The following MGST1 variants were observed in gnomAD, a reference collection of about 807,000 sequenced individuals.
The protein encoded by MGST1 is microsomal glutathione S-transferase 1.
MGST1 carries 5 observed loss-of-function variants against 8.9 expected under a neutral mutation model. The ratio of observed to expected loss-of-function variants is 0.56; its 90% confidence interval spans 0.29 to 1.19. MGST1 has a LOEUF of 1.19. MGST1 is among the 50% of genes most tolerant of loss of function. The pLI, the probability that MGST1 is intolerant of heterozygous loss-of-function variation, is 0.08. For synonymous variants in MGST1, 54 were observed against 67.8 expected (o/e 0.80, Z 1.00); for missense variants, 182 against 187.4 (o/e 0.97, Z 0.17).
intron 1 of MGST1, among the ~76,000 whole-genome samples, chr12:16,349,470 A>C (rs963538749): frequency 3.3e-5 from 5 of 152,162 alleles, no homozygotes; most frequent in African/African-American, 1.2e-4. Flanking sequence ...TGGGTAGCCC[A>C]GAGGTAAACA....
intron 4 of MGST1, among the ~76,000 whole-genome samples, chr12:16,569,137 G>A (rs144484158): frequency 6.6e-6 from 1 of 152,228 alleles, no homozygotes; most frequent in East Asian, 1.9e-4. Flanking sequence ...AGAAAAATGG[G>A]TTGACGCTTG....
chr12:16,585,175 T>C lies in MGST1; in HGVS notation n.483-4353T>C, dbSNP rs550239416. Among the ~76,000 whole-genome samples, 8 of 152,310 alleles carry C rather than the reference T, an allele frequency of 5.3e-5. No homozygotes were observed. In the South Asian group the frequency reaches 1.7e-3, roughly 32 times the overall value. ...AAGCCCCAGTTCACAACGTTATTTT[T>C]CCTTCCAGACTCCGGAACCTGGAGG... On this transcript the variant is annotated intron_variant and non_coding_transcript_variant, in intron 4 of 4. Transcript: ENST00000538857. This position sits in a 1 kb window ranked among gnomAD's most constrained non-coding sequence, Gnocchi z 4.7.
intron 1 of MGST1, among the ~76,000 whole-genome samples, chr12:16,349,892 C>T (rs1487413490): frequency 1.3e-5 from 2 of 151,952 alleles, no homozygotes; most frequent in Admixed American, 6.6e-5. Flanking sequence ...CTACAGGCAC[C>T]TGCCACCACG....
chr12:16,379,250 T>G (rs1490547711), downstream of MGST1, among the ~76,000 whole-genome samples: 1 of 152,174 alleles, frequency 6.6e-6, no homozygotes, highest in African/African-American at 2.4e-5. Context: ...ATGCTTCCAG[T>G]TTTTGTCCAT....
intron 1 of MGST1, among the ~76,000 whole-genome samples, chr12:16,420,815 G>A (rs1480610421): frequency 6.6e-6 from 1 of 152,158 alleles, no homozygotes. Flanking sequence ...TTCTTAGCAG[G>A]TGAGGGAATG....
intron 4 of MGST1, chr12:16,551,399 T>C: frequency 1.1e-6 from 1 of 917,464 alleles, no homozygotes. Context: ...AAGATTTATT[T>C]TCCTATTAAT....
intron 4 of MGST1, among the ~76,000 whole-genome samples, chr12:16,508,936 T>C (rs1241641084): frequency 6.6e-6 from 1 of 152,178 alleles, no homozygotes; most frequent in Non-Finnish European, 1.5e-5. Flanking sequence ...AGGGGGTATT[T>C]TGGACTTACA....
rs5796678 is a variant in MGST1, at chr12:16,533,724, CAA to C, written n.483-55791_483-55790del. On this transcript the variant is annotated intron_variant and non_coding_transcript_variant, in intron 4 of 4. Coordinates refer to the MGST1 transcript ENST00000538857. ...GGCACTTACAGTCTAGTGGGGGATG[CAA>C]AAAAAAAAAAAAGTTTGTGATCAAT... Among the ~76,000 whole-genome samples the C allele has an allele frequency of 0.013, 1,884 of 144,034 alleles. 73 individuals are homozygous for C. In the East Asian group the frequency reaches 0.17, roughly 13 times the overall value. 94.5% of individuals were successfully genotyped at this position (144,034 alleles called of 152,430 possible). A position where few individuals can be genotyped will look rare whatever the true frequency, so the allele number is the denominator to read the frequency against.
intron 4 of MGST1, among the ~76,000 whole-genome samples, chr12:16,575,149 A>G (rs892988085): frequency 5.9e-5 from 9 of 152,226 alleles, no homozygotes; most frequent in Non-Finnish European, 1.2e-4. Context: ...ACTTAACATT[A>G]TGATGTCCGT....
At chr12:16,351,497 T>C (rs1939462680) in intron 1 of MGST1, among the ~76,000 whole-genome samples, 1 of 152,122 alleles carries the variant, frequency 6.6e-6, no homozygotes, top group Non-Finnish European at 1.5e-5. Flanking sequence ...CCAAGCTGTA[T>C]ATTTTTAGCC....
At chr12:16,439,860 TATCA>T (rs1941024706), downstream of MGST1, among the ~76,000 whole-genome samples, 1 of 151,806 alleles carries the variant, frequency 6.6e-6, no homozygotes, top group South Asian at 2.1e-4. Context: ...CTATCTGGAA[TATCA>T]AGTCCTACCC....
intron 4 of MGST1, among the ~76,000 whole-genome samples, chr12:16,492,158 A>G (rs932717410): frequency 1.3e-5 from 2 of 152,230 alleles, no homozygotes; most frequent in African/African-American, 2.4e-5. Context: ...GTAGATTCAA[A>G]TTAGATTTCT....
At chr12:16,461,180 G>GA (rs35831625) in intron 4 of MGST1, among the ~76,000 whole-genome samples, 118,943 of 145,642 alleles carry the variant, frequency 0.82, 48,917 homozygotes, top group Non-Finnish European at 0.88. Context: ...ATGCCCAAAG[G>GA]AAAAAAAAAA....
In MGST1 at chr12:16,537,788, G is replaced by T. The variant is rs1941764519; in HGVS notation, n.483-51740G>T. ...ATGCAGGGCACCAAGTCCCTAGGCTGCACACAGCATGGGGATCCTGGGCCC... is the reference window on the plus strand; with the variant it reads ...ATGCAGGGCACCAAGTCCCTAGGCTTCACACAGCATGGGGATCCTGGGCCC... On this transcript the variant is annotated intron_variant and non_coding_transcript_variant, in intron 4 of 4. Transcript: ENST00000538857. The surrounding 1 kb of genome is among the most constrained non-coding windows in gnomAD (Gnocchi z 4.6). Among the ~76,000 whole-genome samples, 1 of 152,204 alleles carries T rather than the reference G, an allele frequency of 6.6e-6. No individual in the cohort carries two copies.
At chr12:16,354,497 A>G (rs1239320930) in intron 2 of MGST1, 119 bp downstream of exon 2, 1 of 962,358 alleles carries the variant, frequency 1.0e-6, no homozygotes, top group Non-Finnish European at 1.5e-6. Context: ...TTTATGCTGT[A>G]AGTGAAGTAT....
chr12:16,376,280 T>A (rs1033887441), exon 4 of MGST1: 2 of 518,132 alleles, frequency 3.9e-6, no homozygotes, highest in Non-Finnish European at 6.8e-6. Context: ...GTTAATGGAT[T>A]CAAGCAAAGA....
intron 2 of MGST1, among the ~76,000 whole-genome samples, chr12:16,355,450 C>A (rs1207763991): frequency 6.6e-6 from 1 of 152,120 alleles, no homozygotes; most frequent in Non-Finnish European, 1.5e-5. Flanking sequence ...CTCAGGTGAT[C>A]CACCCACCTT....
At chr12:16,393,367 A>C (rs915736951) in intron 1 of MGST1, among the ~76,000 whole-genome samples, 3 of 152,178 alleles carry the variant, frequency 2.0e-5, no homozygotes, top group African/African-American at 7.2e-5. Context: ...AAAAGAGTAA[A>C]GTGAAAGAGG....
At position 16,361,408 on chromosome 12, in the gene MGST1, C is replaced by G. The variant is rs1009785820; in HGVS notation, c.222-2387C>G. ...AGGTCCGTCACAGAGCAAATATATG[C>G]CAGGGCATGTGTGTCCAAAGGAGAA... On this transcript the variant is annotated intron_variant, in intron 3 of 3. Transcript: ENST00000396210. This position sits in a 1 kb window ranked among gnomAD's most constrained non-coding sequence, Gnocchi z 4.2. Among the ~76,000 whole-genome samples, 1 of 152,122 alleles carries G rather than the reference C, an allele frequency of 6.6e-6. No homozygotes were observed. Among genetic ancestry groups the G allele is most frequent in the Admixed American group, 6.6e-5 (1 of 15,254 alleles).
Sources: gnomAD v4.1 joint callset for allele counts (sites outside exome capture counted in the v4.1 genomes callset) on GRCh38, gnomAD v4.1.1 for gene constraint, Gnocchi (gnomAD v3.1) non-coding constraint, MANE v1.5 for transcripts, NCBI Gene and HGNC (gene_info 2026-07-23, HGNC 2026-07-21) for gene names.